Variants in PAAF1 observed in about 807,000 individuals in gnomAD.
PAAF1 encodes proteasomal ATPase-associated factor 1.
A neutral mutation model predicts 52.8 loss-of-function variants in PAAF1; 46 were observed. That is an observed-to-expected ratio of 0.87 (90% CI 0.69 to 1.11). The LOEUF is 1.11. Ranked by LOEUF, PAAF1 falls within the 50% of genes most tolerant of loss-of-function variation. The pLI is 0.00. For synonymous variants in PAAF1, 178 were observed against 172.8 expected, an observed-to-expected ratio of 1.03 and a Z score of -0.24; for missense variants, 424 against 477.4, an observed-to-expected ratio of 0.89 and a Z score of 1.04.
chr11:73,921,437 TCTTA>T (rs1190499326), intron 10 of PAAF1, among the ~76,000 whole-genome samples: 10 of 152,202 alleles, frequency 6.6e-5, no homozygotes, highest in Non-Finnish European at 2.9e-5. Context: ...TATTACTTAT[TCTTA>T]CTAAGCGCCA....
intron 4 of PAAF1, among the ~76,000 whole-genome samples, chr11:73,894,675 T>C (rs1949297148): frequency 6.6e-6 from 1 of 150,838 alleles, no homozygotes; most frequent in Non-Finnish European, 1.5e-5. Flanking sequence ...AAAAAAAAAA[T>C]CAGCTGGGCA....
chr11:73,876,816 AG>A (rs1948754849), upstream of PAAF1: 2 of 447,118 alleles, frequency 4.5e-6, no homozygotes, highest in Admixed American at 9.0e-5. Context: ...TGGGTTTCGC[AG>A]GCGGTTGGGG....
rs1950441094 is a variant in PAAF1 at position 73,930,388 on chromosome 11, AAAAG to A, written c.*3030_*3033del. ...CTATCTCAAGAAAAAAAAAAAGAAA[AAAAG>A]AAAACAGGAAGAAATGTTGTCATTT... is the stretch of plus-strand genomic sequence containing the variant. On this transcript the variant is annotated 3_prime_UTR_variant, in exon 12 of 12. Coordinates refer to ENST00000310571, the MANE Select transcript of PAAF1 (RefSeq NM_025155.3). 6.6e-6 allele frequency: 1 copy of A among 151,570 alleles called. No homozygotes were observed. Among genetic ancestry groups the A allele is most frequent in the Non-Finnish European group, 1.5e-5 (1 of 67,990 alleles). The allele number at this position is 151,570 out of a possible 1,614,324, so 9.4% of individuals were successfully genotyped here. A position where few individuals can be genotyped will look rare whatever the true frequency, so the allele number is the denominator to read the frequency against.
At chr11:73,921,095 T>A (rs547544266) in intron 10 of PAAF1, among the ~76,000 whole-genome samples, 2 of 151,770 alleles carry the variant, frequency 1.3e-5, no homozygotes, top group African/African-American at 4.8e-5. Context: ...AGGTCAGGAG[T>A]TTAAGACCAG....
At chr11:73,907,659 G>T (rs1949799435) in intron 6 of PAAF1, among the ~76,000 whole-genome samples, 1 of 152,170 alleles carries the variant, frequency 6.6e-6, no homozygotes, top group Admixed American at 6.5e-5. Flanking sequence ...AACCCCACTG[G>T]GTAGGGGAAT....
chr11:73,899,992 C>T (rs1315735505), intron 5 of PAAF1, among the ~76,000 whole-genome samples: 1 of 145,716 alleles, frequency 6.9e-6, no homozygotes, highest in African/African-American at 2.6e-5. Context: ...CTGTGAAAGC[C>T]ATGGAATTCT....
At chr11:73,887,539 TATC>T (rs1395704066) in intron 3 of PAAF1, 82 bp downstream of exon 3, 1 of 823,938 alleles carries the variant, frequency 1.2e-6, no homozygotes, top group Non-Finnish European at 1.8e-6. Flanking sequence ...TTTATACTAT[TATC>T]TGTGTATCTC....
Position 73,909,603 on chromosome 11 carries a change from T to C in PAAF1, c.727+10T>C, listed in dbSNP as rs1474318776. The C allele has an allele frequency of 6.2e-7, 1 of 1,612,886 alleles. No homozygotes were observed. The highest frequency in any genetic ancestry group is 2.2e-5 in the East Asian group (1 of 44,868). On this transcript the variant is annotated intron_variant, in intron 7 of 11. Transcript: ENST00000310571. ...CCTGAGCAGATGCCCAGTAAGTTGATAATGATATGTAGCATTGTTTTATTT... is the reference window on the plus strand; with the variant it reads ...CCTGAGCAGATGCCCAGTAAGTTGACAATGATATGTAGCATTGTTTTATTT...
At chr11:73,924,499 G>A (rs1262428444) in intron 10 of PAAF1, 116 bp from the exon 11 acceptor site, 1 of 818,548 alleles carries the variant, frequency 1.2e-6, no homozygotes. Context: ...GCCATTCTGG[G>A]TCTTTGGACC....
intron 11 of PAAF1, among the ~76,000 whole-genome samples, chr11:73,925,156 C>CA (rs34408861): frequency 0.02 from 1,245 of 61,474 alleles, 25 homozygotes; most frequent in Middle Eastern, 0.045. Context: ...GACTCCATCT[C>CA]AAAAAAAAAA....
chr11:73,900,521 A>G, intron 6 of PAAF1, 101 bp downstream of exon 6: 1 of 1,352,654 alleles, frequency 7.4e-7, no homozygotes, highest in Non-Finnish European at 1.0e-6. Context: ...TACACAAATA[A>G]TCCATCCAGC....
At chr11:73,878,296 T>C (rs1948802613) in intron 1 of PAAF1, among the ~76,000 whole-genome samples, 1 of 152,238 alleles carries the variant, frequency 6.6e-6, no homozygotes, top group Non-Finnish European at 1.5e-5. Context: ...AGAGGGTTGC[T>C]GTCAACCTAG....
intron 9 of PAAF1, among the ~76,000 whole-genome samples, chr11:73,917,870 C>CAA (rs755799652): frequency 0.071 from 7,500 of 105,272 alleles, 230 homozygotes; most frequent in Middle Eastern, 0.13. Flanking sequence ...GACTCTATCT[C>CAA]AAAAAAAAAA....
In PAAF1 at chr11:73,921,647, G is replaced by A. The variant is rs553088917; in HGVS notation, c.1018+2615G>A. 315 of 697,736 alleles carry A rather than the reference G, an allele frequency of 4.5e-4. 1 individual carries two copies. The highest frequency in any genetic ancestry group is 4.4e-3 in the African/African-American group (250 of 56,708). 43.2% of individuals were successfully genotyped at this position (697,736 alleles called of 1,614,324 possible). A position where few individuals can be genotyped will look rare whatever the true frequency, so the allele number is the denominator to read the frequency against. Reference sequence around the variant, plus strand: ...AGGGCTCTGGAGATGGTGGCTGCCCGTGCTCCTTTCACTGTCCAGGTCTTG... The same window carrying A: ...AGGGCTCTGGAGATGGTGGCTGCCCATGCTCCTTTCACTGTCCAGGTCTTG... On this transcript the variant is annotated intron_variant, in intron 10 of 11. Transcript: ENST00000310571.
intron 6 of PAAF1, among the ~76,000 whole-genome samples, chr11:73,902,036 G>A (rs188742931): frequency 2.6e-5 from 4 of 151,038 alleles, no homozygotes; most frequent in African/African-American, 9.8e-5. Flanking sequence ...ACTAATTTTT[G>A]TATTTTTTAG....
chr11:73,891,072 G>A (rs775917968), intron 3 of PAAF1, 40 bp from the exon 4 acceptor site: 39 of 1,161,014 alleles, frequency 3.4e-5, no homozygotes, highest in Non-Finnish European at 4.9e-5. Flanking sequence ...TACATTGGAG[G>A]AGTTTTACTG....
intron 4 of PAAF1, among the ~76,000 whole-genome samples, chr11:73,895,924 T>G (rs997154253): frequency 6.6e-6 from 1 of 152,144 alleles, no homozygotes; most frequent in Non-Finnish European, 1.5e-5. Flanking sequence ...CTGGGCAACA[T>G]AGGGGGACCC....
At position 73,885,284 on chromosome 11, in the gene PAAF1, C is replaced by T. The variant is rs190308909; in HGVS notation, c.89-2070C>T. On this transcript the variant is annotated intron_variant, in intron 2 of 11. Transcript: ENST00000310571. ...CTCCTGAGTATCATAGCTGGGACTA[C>T]AGGCACGTGCCACCACACCTGGCTA... is the stretch of plus-strand genomic sequence containing the variant. 1.2e-4 allele frequency among the ~76,000 whole-genome samples: 18 copies of T among 151,870 alleles called. 1 individual carries two copies. Among genetic ancestry groups the T allele is most frequent in the Admixed American group, 1.1e-3 (17 of 15,248 alleles).
At chr11:73,909,620 GT>G in intron 7 of PAAF1, 27 bp downstream of exon 7, 6 of 1,604,012 alleles carry the variant, frequency 3.7e-6, no homozygotes, top group Non-Finnish European at 5.1e-6. Context: ...ATGTAGCATT[GT>G]TTTATTTTCT....
Sources: gnomAD v4.1 joint callset for allele counts (sites outside exome capture counted in the v4.1 genomes callset) on GRCh38, gnomAD v4.1.1 for gene constraint, MANE v1.5 for transcripts, NCBI Gene and HGNC (gene_info 2026-07-23, HGNC 2026-07-21) for gene names.